Variants in MED27 observed in about 807,000 individuals in gnomAD.
MED27 encodes mediator complex subunit 27, also known as mediator of RNA polymerase II transcription subunit 27.
MED27 carries 30 observed loss-of-function variants against 38.2 expected under a neutral mutation model. The ratio of observed to expected loss-of-function variants is 0.79; its 90% CI spans 0.59 to 1.07. The LOEUF (loss-of-function observed/expected upper bound fraction) is 1.07. MED27 is among the 50% of genes least tolerant of loss of function. The probability of loss-of-function intolerance (pLI) is 0.00; values close to 1 mark genes in which losing one functional copy is unlikely to be tolerated. For synonymous variants in MED27, 122 were observed against 153.5 expected (o/e 0.79, Z 1.52); for missense variants, 289 against 397.5 (o/e 0.73, Z 2.32).
chr9:132,034,819 C>A (rs1168154956), intron 2 of MED27, among the ~76,000 whole-genome samples: 1 of 152,140 alleles, frequency 6.6e-6, no homozygotes, highest in African/African-American at 2.4e-5. Context: ...ACATGTAGGT[C>A]TTCATTATAA....
chr9:131,984,859 T>C (rs1305296664), intron 3 of MED27, among the ~76,000 whole-genome samples: 7 of 152,172 alleles, frequency 4.6e-5, no homozygotes, highest in Non-Finnish European at 1.0e-4. Flanking sequence ...ATTCTGTCCT[T>C]ATAAAGCTTC....
At chr9:132,049,099 G>A (rs575694669) in intron 2 of MED27, among the ~76,000 whole-genome samples, 2 of 152,272 alleles carry the variant, frequency 1.3e-5, no homozygotes, top group South Asian at 2.1e-4. Context: ...TGGACAAGAC[G>A]AAAGAGCACA....
intron 4 of MED27, among the ~76,000 whole-genome samples, chr9:131,937,715 C>T (rs1177113699): frequency 6.6e-6 from 1 of 151,980 alleles, no homozygotes. Context: ...TCATTTTTAT[C>T]TTCATTAACT....
At chr9:132,039,351 CT>C (rs1318905002) in intron 2 of MED27, among the ~76,000 whole-genome samples, 4 of 152,166 alleles carry the variant, frequency 2.6e-5, no homozygotes, top group African/African-American at 9.7e-5. Flanking sequence ...GTTTCCTCAG[CT>C]CTCAAGTGAG....
intron 6 of MED27, among the ~76,000 whole-genome samples, chr9:131,879,562 T>G (rs978110959): frequency 1.1e-4 from 16 of 152,174 alleles, no homozygotes; most frequent in African/African-American, 3.6e-4. Flanking sequence ...CTGTGGCACC[T>G]CCCACCACTG....
rs531041448 is a variant in MED27 at position 132,018,904 on chromosome 9, T to C, written c.349-4437A>G. On this transcript the variant is annotated intron_variant, in intron 2 of 7. Transcript: ENST00000292035. ...AGCTCTCCTGGACGTAAGTTATGAT[T>C]CACTTTATTTTTTTTTTAAATCACT... is the stretch of plus-strand genomic sequence containing the variant. Among the ~76,000 whole-genome samples the C allele has an allele frequency of 1.1e-4, 12 of 107,388 alleles. No homozygotes were observed. The East Asian group carries it at 3.0e-3, about 27-fold the overall frequency. The allele number at this position is 107,388 out of a possible 152,430, so 70.5% of individuals were successfully genotyped here.
At chr9:132,013,550 T>C (rs1832529338) in intron 3 of MED27, among the ~76,000 whole-genome samples, 1 of 152,200 alleles carries the variant, frequency 6.6e-6, no homozygotes, top group Non-Finnish European at 1.5e-5. Flanking sequence ...GTATCTGTTA[T>C]CCTTCCTAAT....
intron 4 of MED27, among the ~76,000 whole-genome samples, chr9:131,906,736 G>T (rs1830070103): frequency 6.6e-6 from 1 of 152,150 alleles, no homozygotes; most frequent in South Asian, 2.1e-4. Flanking sequence ...GAAAGAATTT[G>T]AGGTAAATCC....
intron 6 of MED27, among the ~76,000 whole-genome samples, chr9:131,875,751 C>A (rs1235570319): frequency 2.0e-5 from 3 of 152,226 alleles, no homozygotes; most frequent in Non-Finnish European, 4.4e-5. Context: ...GTAGCTGGGA[C>A]CACAGGCACA....
chr9:132,022,547 T>C (rs1359557931), intron 2 of MED27, among the ~76,000 whole-genome samples: 1 of 152,184 alleles, frequency 6.6e-6, no homozygotes, highest in East Asian at 1.9e-4. Context: ...GACTTCCTAG[T>C]ACAAAAATCA....
At chr9:132,043,216 C>G (rs1256625198) in intron 2 of MED27, among the ~76,000 whole-genome samples, 3 of 151,490 alleles carry the variant, frequency 2.0e-5, no homozygotes, top group Non-Finnish European at 4.4e-5. Context: ...AACACTTATA[C>G]TAGAAGTCCA....
At chr9:132,022,486 C>A (rs1225361475) in intron 2 of MED27, among the ~76,000 whole-genome samples, 1 of 152,162 alleles carries the variant, frequency 6.6e-6, no homozygotes, top group Non-Finnish European at 1.5e-5. Flanking sequence ...TGTCTGAGGT[C>A]CTAACACTGA....
chr9:132,027,553 C>A (rs1226391709), intron 2 of MED27, among the ~76,000 whole-genome samples: 1 of 152,210 alleles, frequency 6.6e-6, no homozygotes. Flanking sequence ...AGAGGAAGGG[C>A]CAAGAATCTG....
intron 4 of MED27, among the ~76,000 whole-genome samples, chr9:131,905,718 A>AAC (rs1666960499): frequency 1.8e-5 from 2 of 109,522 alleles, no homozygotes; most frequent in African/African-American, 6.4e-5. Context: ...AAAAAAAAAA[A>AAC]AAAAAAAAAC....
intron 4 of MED27, among the ~76,000 whole-genome samples, chr9:131,894,230 C>T (rs1188563390): frequency 1.3e-5 from 2 of 152,196 alleles, no homozygotes; most frequent in Non-Finnish European, 2.9e-5. Flanking sequence ...ATATTTTTGG[C>T]TTACAAACTC....
chr9:132,031,265 C>T (rs1159224260), intron 2 of MED27, among the ~76,000 whole-genome samples: 1 of 152,202 alleles, frequency 6.6e-6, no homozygotes, highest in Non-Finnish European at 1.5e-5. Context: ...GGTGAGCTAC[C>T]CTCTACCTCA....
Position 131,966,383 on chromosome 9 carries a change from C to CAAAAAAAAAAAAAAAAAAAAAAAAAA in MED27, c.480-26910_480-26909insTTTTTTTTTTTTTTTTTTTTTTTTTT, listed in dbSNP as rs749607968. 1.9e-3 allele frequency among the ~76,000 whole-genome samples: 71 copies of CAAAAAAAAAAAAAAAAAAAAAAAAAA among 36,730 alleles called. 13 individuals are homozygous for CAAAAAAAAAAAAAAAAAAAAAAAAAA. The highest frequency in any genetic ancestry group is 5.1e-3 in the Admixed American group (11 of 2,154). 24.1% of individuals were successfully genotyped at this position (36,730 alleles called of 152,430 possible). On this transcript the variant is annotated intron_variant, in intron 3 of 7. Transcript: ENST00000292035. ...CAGGCAAAAGAGCCAGACCCTGTCA[C>CAAAAAAAAAAAAAAAAAAAAAAAAAA]AAAAAAAAAAAAAAAAAGGAAAGGA...
At chr9:131,944,991 G>A (rs1458700018) in intron 3 of MED27, among the ~76,000 whole-genome samples, 1 of 151,318 alleles carries the variant, frequency 6.6e-6, no homozygotes, top group African/African-American at 2.4e-5. Flanking sequence ...CCCTGTTCTA[G>A]AACTGTGGTC....
intron 4 of MED27, among the ~76,000 whole-genome samples, chr9:131,905,870 A>G (rs541835022): frequency 2.6e-4 from 39 of 152,300 alleles, no homozygotes; most frequent in African/African-American, 9.4e-4. Flanking sequence ...CCATCTACCC[A>G]GCAAATATCT....
Sources: gnomAD v4.1 joint callset for allele counts (sites outside exome capture counted in the v4.1 genomes callset) on GRCh38, gnomAD v4.1.1 for gene constraint, MANE v1.5 for transcripts, NCBI Gene and HGNC (gene_info 2026-07-23, HGNC 2026-07-21) for gene names.